Variants in SEMA5A observed in about 807,000 individuals in gnomAD.
The protein encoded by SEMA5A is semaphorin-5A.
A neutral mutation model predicts 135.5 loss-of-function variants in SEMA5A; 55 were observed. The ratio of observed to expected loss-of-function variants is 0.41; its 90% confidence interval spans 0.33 to 0.51. The LOEUF (loss-of-function observed/expected upper bound fraction) is 0.51. Among genes scored for constraint, SEMA5A ranks in the 20% least tolerant of loss-of-function variants. The pLI is 0.37. For missense variants in SEMA5A, 1,290 were observed against 1,419.9 expected (o/e 0.91, Z 1.47); for synonymous variants, 580 against 546.5 (o/e 1.06, Z -0.85).
At chr5:9,158,415 T>C (rs1743070418) in intron 11 of SEMA5A, among the ~76,000 whole-genome samples, 1 of 151,984 alleles carries the variant, frequency 6.6e-6, no homozygotes, top group African/African-American at 2.4e-5. Flanking sequence ...TGAAATTTAA[T>C]ACTCTAACCA....
chr5:9,257,362 T>A (rs893508830), intron 5 of SEMA5A, among the ~76,000 whole-genome samples: 1 of 152,216 alleles, frequency 6.6e-6, no homozygotes, highest in Non-Finnish European at 1.5e-5. Context: ...ACATGGTACA[T>A]GTGCCATTAC....
chr5:9,534,576 C>T (rs566813810), intron 1 of SEMA5A, among the ~76,000 whole-genome samples: 2 of 152,264 alleles, frequency 1.3e-5, no homozygotes, highest in Admixed American at 1.3e-4. Flanking sequence ...CATGGAACAT[C>T]ATGGTACCAG....
chr5:9,391,954 G>A (rs1756178474), intron 2 of SEMA5A, among the ~76,000 whole-genome samples: 1 of 151,960 alleles, frequency 6.6e-6, no homozygotes, highest in Non-Finnish European at 1.5e-5. Context: ...TGTTCCCTGT[G>A]CTCCCGCCAC....
At chr5:9,526,983 T>G (rs186064968) in intron 1 of SEMA5A, among the ~76,000 whole-genome samples, 5 of 152,320 alleles carry the variant, frequency 3.3e-5, no homozygotes, top group Admixed American at 3.3e-4. Context: ...TGACAGACAT[T>G]TCCCAGGGTC....
intron 2 of SEMA5A, among the ~76,000 whole-genome samples, chr5:9,391,466 C>A (rs1756158065): frequency 6.6e-6 from 1 of 152,176 alleles, no homozygotes; most frequent in Admixed American, 6.5e-5. Context: ...GAATTGCCTC[C>A]CAACTAACCA....
intron 11 of SEMA5A, among the ~76,000 whole-genome samples, chr5:9,183,935 C>T (rs1220989858): frequency 6.6e-6 from 1 of 152,134 alleles, no homozygotes; most frequent in African/African-American, 2.4e-5. Context: ...CATTTATTTT[C>T]CTCTAATGTG....
chr5:9,458,251 A>G (rs995282083), intron 1 of SEMA5A, among the ~76,000 whole-genome samples: 2 of 152,088 alleles, frequency 1.3e-5, no homozygotes, highest in African/African-American at 4.8e-5. Context: ...GCCATTATGT[A>G]TCACAATTGT....
At chr5:9,148,525 T>C (rs1333352089) in intron 12 of SEMA5A, among the ~76,000 whole-genome samples, 1 of 152,162 alleles carries the variant, frequency 6.6e-6, no homozygotes, top group Non-Finnish European at 1.5e-5. Context: ...CCCTCATCCC[T>C]ATGTCCCAGG....
intron 5 of SEMA5A, among the ~76,000 whole-genome samples, chr5:9,295,259 C>G (rs1194645418): frequency 2.0e-5 from 3 of 152,156 alleles, no homozygotes; most frequent in African/African-American, 7.2e-5. Context: ...ATCTGATGAT[C>G]AACAGATTCT....
At chr5:9,195,529 T>C (rs1361994588) in intron 10 of SEMA5A, among the ~76,000 whole-genome samples, 1 of 152,158 alleles carries the variant, frequency 6.6e-6, no homozygotes, top group Non-Finnish European at 1.5e-5. Flanking sequence ...TTATTCAGTG[T>C]TATCAAAATT....
chr5:9,187,195 T>C (rs1018519372), intron 11 of SEMA5A, among the ~76,000 whole-genome samples: 2 of 151,760 alleles, frequency 1.3e-5, no homozygotes, highest in African/African-American at 4.9e-5. Context: ...TCCTTGGACA[T>C]AAAGACTGTA....
At chr5:9,348,496 C>A (rs1753974640) in intron 3 of SEMA5A, among the ~76,000 whole-genome samples, 1 of 152,176 alleles carries the variant, frequency 6.6e-6, no homozygotes, top group African/African-American at 2.4e-5. Context: ...CTTTACGTGG[C>A]TTCAAAGTAC....
intron 1 of SEMA5A, among the ~76,000 whole-genome samples, chr5:9,515,380 T>A (rs1376111591): frequency 6.6e-6 from 1 of 152,224 alleles, no homozygotes; most frequent in Admixed American, 6.5e-5. Flanking sequence ...TAGTTCGTCA[T>A]GCAACGGAAA....
intron 9 of SEMA5A, among the ~76,000 whole-genome samples, chr5:9,197,785 T>TGTGTGTGTGTGTA (rs1561011433): frequency 8.5e-6 from 1 of 117,860 alleles, no homozygotes; most frequent in Non-Finnish European, 1.6e-5. Context: ...TGTGTGTGTG[T>TGTGTGTGTGTGTA]TTTAACCCAG....
chr5:9,453,846 T>C (rs1425957323), intron 1 of SEMA5A, among the ~76,000 whole-genome samples: 1 of 152,144 alleles, frequency 6.6e-6, no homozygotes, highest in Non-Finnish European at 1.5e-5. Flanking sequence ...TATAACACCC[T>C]AACAGTCTTC....
rs981523851 is a variant in SEMA5A at position 9,545,421 on chromosome 5, C to T, written c.-175+163G>A. ...CTGACGGTCGTCCTAATCCTGTACG[C>T]GCAACCCCCGCCCAGGTGCCTGCTG... On this transcript the variant is annotated intron_variant, in intron 1 of 22. Coordinates refer to ENST00000382496, the MANE Select transcript of SEMA5A (RefSeq NM_003966.3). The surrounding 1 kb of genome is among the most constrained non-coding windows in gnomAD (Gnocchi z 4.5). Among the ~76,000 whole-genome samples the T allele has an allele frequency of 6.6e-6, 1 of 152,140 alleles. No homozygotes were observed. Among genetic ancestry groups the T allele is most frequent in the Non-Finnish European group, 1.5e-5 (1 of 68,028 alleles).
intron 3 of SEMA5A, among the ~76,000 whole-genome samples, chr5:9,356,702 G>T (rs1228697032): frequency 6.6e-6 from 1 of 152,132 alleles, no homozygotes; most frequent in Non-Finnish European, 1.5e-5. Flanking sequence ...TGCAACCGGG[G>T]TTCAAAGAAA....
intron 5 of SEMA5A, among the ~76,000 whole-genome samples, chr5:9,254,466 T>G (rs1305889902): frequency 6.6e-6 from 1 of 152,090 alleles, no homozygotes; most frequent in Non-Finnish European, 1.5e-5. Context: ...ATGTGCAAAG[T>G]CTGTGAGAAG....
At chr5:9,084,059 A>G (rs1424447121) in intron 16 of SEMA5A, among the ~76,000 whole-genome samples, 6 of 152,242 alleles carry the variant, frequency 3.9e-5, no homozygotes, top group Non-Finnish European at 5.9e-5. Context: ...GAGAAATCTT[A>G]GCCCCTTTAA....
Sources: gnomAD v4.1 joint callset for allele counts (sites outside exome capture counted in the v4.1 genomes callset) on GRCh38, gnomAD v4.1.1 for gene constraint, Gnocchi (gnomAD v3.1) non-coding constraint, MANE v1.5 for transcripts, NCBI Gene and HGNC (gene_info 2026-07-23, HGNC 2026-07-21) for gene names.